The following RHBDD1 variants were observed in gnomAD, a reference collection of about 807,000 sequenced individuals.
RHBDD1 encodes the protein rhomboid domain containing 1.
Under a neutral mutation model 36.3 loss-of-function variants are expected in RHBDD1, and 38 were observed. The ratio of observed to expected loss-of-function variants is 1.05; its 90% CI spans 0.81 to 1.37. RHBDD1 has a LOEUF of 1.37. Among genes scored for constraint, RHBDD1 ranks in the 40% most tolerant of loss-of-function variants. RHBDD1 has a pLI of 0.00. For synonymous variants in RHBDD1, 151 were observed against 136.5 expected, an observed-to-expected ratio of 1.11 and a Z score of -0.74; for missense variants, 393 against 377.6, an observed-to-expected ratio of 1.04 and a Z score of -0.34.
chr2:226,933,514 ATCT>A (rs1160569037), intron 8 of RHBDD1, among the ~76,000 whole-genome samples: 2 of 152,032 alleles, frequency 1.3e-5, no homozygotes, highest in South Asian at 2.1e-4. Flanking sequence ...GCCTTTACCA[ATCT>A]TCTTACAATT....
chr2:226,820,678 A>T, the RHBDD1 span, among the ~76,000 whole-genome samples: 2 of 151,336 alleles, frequency 1.3e-5, no homozygotes, highest in African/African-American at 2.4e-5. Context: ...AAGAAAAAAA[A>T]AATTAGCCGG....
chr2:226,973,027 G>T (rs1289467138), intron 8 of RHBDD1, among the ~76,000 whole-genome samples: 3 of 151,920 alleles, frequency 2.0e-5, no homozygotes, highest in Non-Finnish European at 4.4e-5. Flanking sequence ...GGACTTCAAA[G>T]TAGAGATTCA....
chr2:226,862,389 A>G (rs928466698), intron 3 of RHBDD1, among the ~76,000 whole-genome samples: 1 of 144,980 alleles, frequency 6.9e-6, no homozygotes, highest in Non-Finnish European at 1.5e-5. Context: ...AAACTCATGC[A>G]TTGTCCAGTG....
intron 3 of RHBDD1, among the ~76,000 whole-genome samples, chr2:226,861,680 TTAAAGG>T (rs1943867622): frequency 6.6e-6 from 1 of 152,244 alleles, no homozygotes; most frequent in African/African-American, 2.4e-5. Context: ...ATTGTTCCTG[TTAAAGG>T]TAATAATGTT....
chr2:226,928,601 A>C (rs1359590559), intron 8 of RHBDD1, among the ~76,000 whole-genome samples: 1 of 152,018 alleles, frequency 6.6e-6, no homozygotes, highest in Non-Finnish European at 1.5e-5. Context: ...GGAAGTAGAG[A>C]AATGAGAACC....
At chr2:226,850,447 T>A (rs924584266) in intron 3 of RHBDD1, among the ~76,000 whole-genome samples, 1 of 152,216 alleles carries the variant, frequency 6.6e-6, no homozygotes, top group African/African-American at 2.4e-5. Context: ...TATTTTTTTT[T>A]ATTCTTTTAA....
At chr2:226,866,139 C>T (rs986235973) in intron 4 of RHBDD1, among the ~76,000 whole-genome samples, 6 of 152,092 alleles carry the variant, frequency 3.9e-5, no homozygotes, top group African/African-American at 7.2e-5. Flanking sequence ...GGCGTGATCT[C>T]GGCTCACTGC....
Position 226,865,249 on chromosome 2 carries a change from C to T in RHBDD1, c.433+123C>T, listed in dbSNP as rs1026853797. ...GTGGTTAAGGGCTGCTGAGGCTTTGCGTCTTGAAGAGGAGGCTGGAGCATG... is the reference window on the plus strand; with the variant it reads ...GTGGTTAAGGGCTGCTGAGGCTTTGTGTCTTGAAGAGGAGGCTGGAGCATG... On this transcript the variant is annotated intron_variant, in intron 4 of 8. Transcript: ENST00000392062. 3.7e-5 allele frequency: 28 copies of T among 762,598 alleles called. No homozygotes were observed. In the Admixed American group the frequency reaches 4.1e-4, roughly 11 times the overall value. The allele number at this position is 762,598 out of a possible 1,614,324, so 47.2% of individuals were successfully genotyped here.
intron 8 of RHBDD1, among the ~76,000 whole-genome samples, chr2:226,925,658 T>A (rs2125805720): frequency 6.6e-6 from 1 of 152,364 alleles, no homozygotes; most frequent in African/African-American, 2.4e-5. Flanking sequence ...TAAATTTTTA[T>A]AAAGCTGCTT....
chr2:226,918,331 C>G (rs1190428384), intron 8 of RHBDD1, among the ~76,000 whole-genome samples: 1 of 151,880 alleles, frequency 6.6e-6, no homozygotes, highest in East Asian at 1.9e-4. Context: ...ACAAACAATC[C>G]AGTTCTACTC....
chr2:226,924,726 G>T (rs911162810), intron 8 of RHBDD1, among the ~76,000 whole-genome samples: 2 of 152,190 alleles, frequency 1.3e-5, no homozygotes, highest in Non-Finnish European at 2.9e-5. Context: ...TGGCCTAGGC[G>T]GGTCTAAATG....
At chr2:226,827,844 T>C in the RHBDD1 span, among the ~76,000 whole-genome samples, 1 of 152,212 alleles carries the variant, frequency 6.6e-6, no homozygotes, top group Admixed American at 6.5e-5. Flanking sequence ...TTCTTGAGCA[T>C]AGCATGTGGA....
intron 4 of RHBDD1, among the ~76,000 whole-genome samples, chr2:226,866,839 C>G (rs993534713): frequency 2.0e-5 from 3 of 152,108 alleles, no homozygotes; most frequent in South Asian, 2.1e-4. Context: ...ATACATATTA[C>G]TGGTATTTTT....
In RHBDD1 at chr2:226,885,782, TC is replaced by T. The variant is rs545444303; in HGVS notation, c.566+18468del. Among the ~76,000 whole-genome samples, 12 of 152,312 alleles carry T rather than the reference TC, an allele frequency of 7.9e-5. No individual in the cohort carries two copies. The East Asian group carries it at 1.9e-3, about 24-fold the overall frequency. On this transcript the variant is annotated intron_variant, in intron 5 of 8. Coordinates refer to ENST00000392062, the MANE Select transcript of RHBDD1 (RefSeq NM_001167608.3). Reference sequence around the variant, plus strand: ...TTAAAACATAAATATATACAGTAGTTCCCCTGTTATCTGCAGGAGATACTGT... The same window carrying T: ...TTAAAACATAAATATATACAGTAGTTCCCTGTTATCTGCAGGAGATACTGT...
intron 5 of RHBDD1, among the ~76,000 whole-genome samples, chr2:226,892,880 C>A (rs1297149420): frequency 6.6e-6 from 1 of 152,100 alleles, no homozygotes; most frequent in Admixed American, 6.6e-5. Flanking sequence ...TACCCCAGAG[C>A]AACGTTGCGT....
chr2:226,863,286 C>T (rs1944024120), intron 3 of RHBDD1, among the ~76,000 whole-genome samples: 1 of 152,188 alleles, frequency 6.6e-6, no homozygotes, highest in Non-Finnish European at 1.5e-5. Flanking sequence ...TGGCAGTGAG[C>T]CAAGATCATG....
intron 8 of RHBDD1, among the ~76,000 whole-genome samples, chr2:226,942,151 T>C (rs560633652): frequency 6.6e-6 from 1 of 152,082 alleles, no homozygotes; most frequent in Non-Finnish European, 1.5e-5. Flanking sequence ...ATGGTTTTCT[T>C]GTAAGTCTGT....
intron 5 of RHBDD1, among the ~76,000 whole-genome samples, chr2:226,873,045 G>T (rs754041195): frequency 9.9e-5 from 15 of 152,152 alleles, no homozygotes; most frequent in Admixed American, 3.9e-4. Flanking sequence ...GATTTTTCCA[G>T]ACACTGGTCC....
chr2:226,842,867 A>C (rs924263367), intron 3 of RHBDD1, among the ~76,000 whole-genome samples: 2 of 152,254 alleles, frequency 1.3e-5, no homozygotes, highest in Non-Finnish European at 2.9e-5. Flanking sequence ...TACTTTGGGC[A>C]GTATGGCCGT....
Sources: gnomAD v4.1 joint callset for allele counts (sites outside exome capture counted in the v4.1 genomes callset) on GRCh38, gnomAD v4.1.1 for gene constraint, MANE v1.5 for transcripts, NCBI Gene and HGNC (gene_info 2026-07-23, HGNC 2026-07-21) for gene names.